CCDC175: variants seen among roughly 807,000 people sequenced by gnomAD.
CCDC175 encodes the protein coiled-coil domain containing 175.
A neutral mutation model predicts 114.6 loss-of-function variants in CCDC175; 100 were observed. The ratio of observed to expected loss-of-function variants is 0.87; its 90% CI spans 0.74 to 1.03. The LOEUF is 1.03. Ranked by LOEUF, CCDC175 falls within the 50% of genes least tolerant of loss-of-function variation. The pLI, the probability that CCDC175 is intolerant of heterozygous loss-of-function variation, is 0.00. For missense variants in CCDC175, 880 were observed against 917.8 expected (o/e 0.96, Z 0.53); for synonymous variants, 306 against 308.7 (o/e 0.99, Z 0.09).
At chr14:59,571,889 G>A (rs923594473) in intron 3 of CCDC175, among the ~76,000 whole-genome samples, 1 of 152,066 alleles carries the variant, frequency 6.6e-6, no homozygotes, top group African/African-American at 2.4e-5. Flanking sequence ...TCTGAAAACT[G>A]AAATGCTCCA....
At chr14:59,575,763 C>G (rs1897082525) in intron 1 of CCDC175, among the ~76,000 whole-genome samples, 1 of 152,244 alleles carries the variant, frequency 6.6e-6, no homozygotes, top group Non-Finnish European at 1.5e-5. Flanking sequence ...CCCGCCTCGG[C>G]CTCCCAAAGT....
chr14:59,508,714 G>A (rs759996808), intron 19 of CCDC175, among the ~76,000 whole-genome samples: 3 of 151,826 alleles, frequency 2.0e-5, no homozygotes, highest in East Asian at 1.9e-4. Flanking sequence ...CTTGGGATTC[G>A]TGCCCTTATC....
intron 3 of CCDC175, among the ~76,000 whole-genome samples, chr14:59,572,482 T>C (rs1298687515): frequency 2.6e-5 from 4 of 152,236 alleles, no homozygotes; most frequent in African/African-American, 4.8e-5. Flanking sequence ...CATTTATCTA[T>C]AGTCTATTTA....
At chr14:59,537,125 G>A (rs770941340) in intron 13 of CCDC175, among the ~76,000 whole-genome samples, 7 of 152,188 alleles carry the variant, frequency 4.6e-5, no homozygotes, top group Admixed American at 2.6e-4. Flanking sequence ...TTTTCTGAGT[G>A]TTCTTCATTT....
chr14:59,554,310 C>G (rs1273497245), intron 7 of CCDC175, among the ~76,000 whole-genome samples: 1 of 152,232 alleles, frequency 6.6e-6, no homozygotes, highest in Non-Finnish European at 1.5e-5. Flanking sequence ...GATTAAGAAA[C>G]TCACTTAAAA....
At chr14:59,526,884 C>A (rs1340953422) in intron 15 of CCDC175, among the ~76,000 whole-genome samples, 1 of 152,128 alleles carries the variant, frequency 6.6e-6, no homozygotes, top group Admixed American at 6.6e-5. Flanking sequence ...TACATATATA[C>A]ACATACATAC....
chr14:59,554,758 A>T (rs952285915), intron 7 of CCDC175, among the ~76,000 whole-genome samples: 2 of 152,212 alleles, frequency 1.3e-5, no homozygotes, highest in African/African-American at 4.8e-5. Context: ...AATCAAATAG[A>T]CGCAAGAAAA....
chr14:59,505,334 A>C lies in CCDC175; in HGVS notation c.2306-19T>G, dbSNP rs771550199. 1 of 1,375,382 alleles carries C rather than the reference A, an allele frequency of 7.3e-7. No homozygotes were observed. The highest frequency in any genetic ancestry group is 2.4e-5 in the Admixed American group (1 of 41,596). 85.2% of individuals were successfully genotyped at this position (1,375,382 alleles called of 1,614,324 possible). ...TTCTTCTCTGTAGGAATAAAAAATA[A>C]ATATAAAAATTTTATTTGTATTGCA... On this transcript the variant is annotated intron_variant, in intron 19 of 19. Coordinates refer to ENST00000537690, the MANE Select transcript of CCDC175 (RefSeq NM_001164399.2).
chr14:59,575,302 TTC>T (rs1351110043), intron 1 of CCDC175, among the ~76,000 whole-genome samples: 3 of 152,228 alleles, frequency 2.0e-5, no homozygotes, highest in African/African-American at 7.2e-5. Context: ...TGATTTTTTT[TTC>T]CTATGAAATA....
chr14:59,523,709 G>T (rs998400284), intron 16 of CCDC175, among the ~76,000 whole-genome samples: 5 of 152,194 alleles, frequency 3.3e-5, no homozygotes, highest in Non-Finnish European at 5.9e-5. Flanking sequence ...GTCACATTCA[G>T]CCGGGCGCGG....
intron 17 of CCDC175, among the ~76,000 whole-genome samples, chr14:59,512,051 G>A (rs964713071): frequency 1.3e-5 from 2 of 152,316 alleles, no homozygotes; most frequent in East Asian, 1.9e-4. Context: ...ACACCTGGAA[G>A]AGAAACAAAG....
At chr14:59,522,069 TGATTAATTGAGTCA>T (rs1340174541) in intron 16 of CCDC175, among the ~76,000 whole-genome samples, 1 of 152,218 alleles carries the variant, frequency 6.6e-6, no homozygotes, top group Non-Finnish European at 1.5e-5. Flanking sequence ...CTCAGAGAGA[TGATTAATTGAGTCA>T]GGAGACTGCA....
At chr14:59,505,924 T>C (rs1406187299) in intron 19 of CCDC175, among the ~76,000 whole-genome samples, 10 of 152,210 alleles carry the variant, frequency 6.6e-5, no homozygotes, top group Admixed American at 3.3e-4. Flanking sequence ...TTTCAGATTT[T>C]GGAATATTTG....
At chr14:59,508,451 A>G (rs1014807942) in intron 19 of CCDC175, among the ~76,000 whole-genome samples, 4 of 82,704 alleles carry the variant, frequency 4.8e-5, no homozygotes, top group African/African-American at 2.5e-4. Context: ...AGCCAGGCAC[A>G]GTGGCACGTG....
chr14:59,508,929 G>A (rs879627337), intron 19 of CCDC175, among the ~76,000 whole-genome samples: 2 of 152,140 alleles, frequency 1.3e-5, no homozygotes, highest in Non-Finnish European at 2.9e-5. Flanking sequence ...ATGGTAGCCC[G>A]AACGAACTAA....
chr14:59,508,092 C>T (rs1422476384), intron 19 of CCDC175, among the ~76,000 whole-genome samples: 1 of 152,056 alleles, frequency 6.6e-6, no homozygotes, highest in Admixed American at 6.6e-5. Context: ...GTGAATCAAG[C>T]TGCTGGCGGA....
chr14:59,519,879 G>T (rs1265737401), intron 17 of CCDC175, among the ~76,000 whole-genome samples: 1 of 152,198 alleles, frequency 6.6e-6, no homozygotes, highest in Non-Finnish European at 1.5e-5. Flanking sequence ...AACCCAGCAG[G>T]CCAAACTGCT....
At chr14:59,509,723 T>C (rs976858364) in intron 19 of CCDC175, among the ~76,000 whole-genome samples, 1 of 152,114 alleles carries the variant, frequency 6.6e-6, no homozygotes, top group African/African-American at 2.4e-5. Context: ...TTGCTCAGGC[T>C]GGTCTCGAAC....
intron 13 of CCDC175, 110 bp from the exon 14 acceptor site, chr14:59,532,020 C>A (rs1215837829): frequency 1.6e-5 from 10 of 606,428 alleles, no homozygotes; most frequent in Middle Eastern, 4.4e-4. Flanking sequence ...GTCTTGGTCT[C>A]CTATCCTGAG....
Sources: allele counts gnomAD v4.1 joint callset (sites outside exome capture counted in the v4.1 genomes callset), GRCh38; gene constraint gnomAD v4.1.1; transcripts MANE v1.5; gene names NCBI Gene and HGNC (gene_info 2026-07-23, HGNC 2026-07-21).